GPC6: variants seen among roughly 807,000 people sequenced by gnomAD.
GPC6 encodes glypican-6.
Under a neutral mutation model 55.2 loss-of-function variants are expected in GPC6, and 14 were observed. That is an observed-to-expected ratio of 0.25 (90% confidence interval 0.17 to 0.40). The LOEUF is 0.40. Ranked by LOEUF, GPC6 falls within the 10% of genes least tolerant of loss-of-function variation. The probability of loss-of-function intolerance (pLI) is 1.00; values close to 1 mark genes in which losing one functional copy is unlikely to be tolerated. For synonymous variants in GPC6, 278 were observed against 259.6 expected, an observed-to-expected ratio of 1.07 and a Z score of -0.68; for missense variants, 641 against 708.5, an observed-to-expected ratio of 0.90 and a Z score of 1.08.
Position 93,339,039 on chromosome 13 carries a change from C to T in GPC6, c.160+111423C>T, listed in dbSNP as rs151272569. ...TGAGAACCACTGCTCTAATCTTGAA[C>T]GTTTCCAGTGATGAAAGGCTTGCTC... On this transcript the variant is annotated intron_variant, in intron 1 of 8. Transcript: ENST00000377047. Among the ~76,000 whole-genome samples, 828 of 152,202 alleles carry T rather than the reference C, an allele frequency of 5.4e-3. 10 individuals carry two copies. The highest frequency in any genetic ancestry group is 0.019 in the African/African-American group (781 of 41,514).
chr13:93,686,580 C>A (rs1034786944), intron 2 of GPC6, among the ~76,000 whole-genome samples: 7 of 152,074 alleles, frequency 4.6e-5, no homozygotes, highest in Non-Finnish European at 1.0e-4. Context: ...TGAGAAAGAA[C>A]AATACTGTGT....
intron 1 of GPC6, among the ~76,000 whole-genome samples, chr13:93,421,075 A>G (rs1876904223): frequency 6.6e-6 from 1 of 152,106 alleles, no homozygotes; most frequent in African/African-American, 2.4e-5. Context: ...TTGTGTCTGG[A>G]GGATTGAGTG....
chr13:93,660,153 G>GA (rs1035096024), intron 2 of GPC6, among the ~76,000 whole-genome samples: 11 of 151,272 alleles, frequency 7.3e-5, no homozygotes, highest in East Asian at 1.9e-4. Context: ...TCCTAATCTG[G>GA]AAAAAAAACT....
At chr13:93,492,712 C>G (rs373352660) in intron 1 of GPC6, among the ~76,000 whole-genome samples, 1 of 151,386 alleles carries the variant, frequency 6.6e-6, no homozygotes, top group East Asian at 1.9e-4. Flanking sequence ...ACCTAATTTA[C>G]TGAGAGTTTT....
At chr13:93,925,276 C>G (rs927735051) in intron 3 of GPC6, among the ~76,000 whole-genome samples, 1 of 151,932 alleles carries the variant, frequency 6.6e-6, no homozygotes, top group Non-Finnish European at 1.5e-5. Context: ...AAAGTCTTTT[C>G]TATTTTTTTT....
chr13:93,726,966 C>A (rs1040196934), intron 2 of GPC6, among the ~76,000 whole-genome samples: 5 of 152,078 alleles, frequency 3.3e-5, no homozygotes, highest in Non-Finnish European at 7.4e-5. Flanking sequence ...TTTGCAAAAT[C>A]AGCTGGAGTT....
intron 2 of GPC6, among the ~76,000 whole-genome samples, chr13:93,635,811 T>A (rs1371492656): frequency 6.6e-6 from 1 of 152,094 alleles, no homozygotes; most frequent in African/African-American, 2.4e-5. Flanking sequence ...ATCCTGTAAA[T>A]GACACATGTT....
At chr13:94,149,493 T>C (rs953413028) in intron 4 of GPC6, among the ~76,000 whole-genome samples, 6 of 152,136 alleles carry the variant, frequency 3.9e-5, no homozygotes, top group African/African-American at 1.2e-4. Context: ...TATGAACTGC[T>C]ACAGTCCAAA....
At chr13:93,954,360 G>A (rs1399747811) in intron 3 of GPC6, among the ~76,000 whole-genome samples, 1 of 151,926 alleles carries the variant, frequency 6.6e-6, no homozygotes. Context: ...TGTTATGCAG[G>A]CTGGAGTGTA....
intron 2 of GPC6, among the ~76,000 whole-genome samples, chr13:93,760,080 A>T (rs1884909125): frequency 6.6e-6 from 1 of 152,162 alleles, no homozygotes; most frequent in African/African-American, 2.4e-5. Context: ...TATGTGCCAC[A>T]CAATGTAATA....
At chr13:93,594,732 A>G (rs1877649609) in intron 2 of GPC6, among the ~76,000 whole-genome samples, 1 of 151,938 alleles carries the variant, frequency 6.6e-6, no homozygotes, top group Non-Finnish European at 1.5e-5. Context: ...GGCAAGTCCA[A>G]TATCAAGGCA....
At chr13:94,095,381 A>G (rs1885622716) in intron 4 of GPC6, among the ~76,000 whole-genome samples, 1 of 152,214 alleles carries the variant, frequency 6.6e-6, no homozygotes, top group African/African-American at 2.4e-5. Flanking sequence ...GTAATTTATA[A>G]TTCTCTAGTA....
chr13:94,371,983 TCTTA>T (rs1476732991), intron 6 of GPC6, among the ~76,000 whole-genome samples: 2 of 152,126 alleles, frequency 1.3e-5, no homozygotes, highest in African/African-American at 2.4e-5. Flanking sequence ...TTATCAAAGT[TCTTA>T]CTTACAGCTG....
chr13:94,070,097 C>A (rs1884670649), intron 4 of GPC6, among the ~76,000 whole-genome samples: 1 of 152,156 alleles, frequency 6.6e-6, no homozygotes, highest in African/African-American at 2.4e-5. Flanking sequence ...ACTTATAGTT[C>A]CACATGGCTG....
At chr13:93,774,071 G>A (rs1448559747) in intron 2 of GPC6, among the ~76,000 whole-genome samples, 1 of 152,204 alleles carries the variant, frequency 6.6e-6, no homozygotes, top group Non-Finnish European at 1.5e-5. Context: ...AGCTGCCATT[G>A]TATATGACAT....
At chr13:93,295,642 G>C (rs1458301069) in intron 1 of GPC6, among the ~76,000 whole-genome samples, 1 of 151,802 alleles carries the variant, frequency 6.6e-6, no homozygotes, top group East Asian at 1.9e-4. Flanking sequence ...TACTGCGCTC[G>C]GGTAATTTTT....
chr13:93,487,560 A>G (rs1879775207), intron 1 of GPC6, among the ~76,000 whole-genome samples: 1 of 152,212 alleles, frequency 6.6e-6, no homozygotes, highest in South Asian at 2.1e-4. Context: ...ACGAGGGGGT[A>G]AGGAAGACAC....
intron 4 of GPC6, among the ~76,000 whole-genome samples, chr13:94,164,829 T>C (rs1888295174): frequency 6.6e-6 from 1 of 152,120 alleles, no homozygotes; most frequent in Non-Finnish European, 1.5e-5. Flanking sequence ...TAACTAGGGA[T>C]TTCTGGAAAT....
At chr13:94,390,852 G>C (rs543575268) in intron 7 of GPC6, among the ~76,000 whole-genome samples, 5 of 150,320 alleles carry the variant, frequency 3.3e-5, no homozygotes, top group African/African-American at 1.2e-4. Context: ...GTCCTGGCAG[G>C]GAGGAAGCTG....
Sources: allele counts gnomAD v4.1 joint callset (sites outside exome capture counted in the v4.1 genomes callset), GRCh38; gene constraint gnomAD v4.1.1; transcripts MANE v1.5; gene names NCBI Gene and HGNC (gene_info 2026-07-23, HGNC 2026-07-21).